The following GNB5 variants were observed in gnomAD, a reference collection of about 807,000 sequenced individuals.
GNB5 encodes G protein subunit beta 5.
In GNB5, 37 loss-of-function variants were observed where a neutral mutation model predicts 55.3. The observed-to-expected ratio is 0.67, with a 90% confidence interval of 0.51 to 0.88. The LOEUF is 0.88. GNB5 is among the 40% of genes least tolerant of loss of function. The pLI, the probability that GNB5 is intolerant of heterozygous loss-of-function variation, is 0.00. For missense variants in GNB5, 476 were observed against 515.3 expected, an observed-to-expected ratio of 0.92 and a Z score of 0.74; for synonymous variants, 219 against 198.5, an observed-to-expected ratio of 1.10 and a Z score of -0.87.
At position 52,168,779 on chromosome 15, in the gene GNB5, C is replaced by T. The variant is rs140191551; in HGVS notation, c.238+10989G>A. On this transcript the variant is annotated intron_variant, in intron 3 of 12. Transcript: ENST00000261837. ...ACTGGTACAAAAACAGACACACAGA[C>T]CAATGGAACCGAATGGAGAGCTCAG... is the stretch of plus-strand genomic sequence containing the variant. Among the ~76,000 whole-genome samples, 335 of 152,196 alleles carry T rather than the reference C, an allele frequency of 2.2e-3. 2 individuals carry two copies. Among genetic ancestry groups the T allele is most frequent in the Non-Finnish European group, 3.7e-3 (255 of 68,016 alleles).
chr15:52,125,850 G>A (rs2033409968), intron 11 of GNB5, 98 bp downstream of exon 11: 2 of 655,718 alleles, frequency 3.1e-6, no homozygotes, highest in Admixed American at 2.5e-5. Flanking sequence ...TCCACAGGAA[G>A]CTCAGTTGAT....
intron 1 of GNB5, among the ~76,000 whole-genome samples, chr15:52,190,319 G>A (rs2034902514): frequency 6.6e-6 from 1 of 151,776 alleles, no homozygotes; most frequent in South Asian, 2.1e-4. Flanking sequence ...GGGTTTCACC[G>A]TGTTAACCAG....
At chr15:52,171,479 T>C (rs2034553891) in intron 3 of GNB5, among the ~76,000 whole-genome samples, 1 of 152,244 alleles carries the variant, frequency 6.6e-6, no homozygotes, top group Non-Finnish European at 1.5e-5. Flanking sequence ...ATTTGTTTAT[T>C]GGGAAAGTAC....
At chr15:52,145,022 G>A (rs2033940345) in intron 6 of GNB5, among the ~76,000 whole-genome samples, 1 of 152,126 alleles carries the variant, frequency 6.6e-6, no homozygotes, top group Non-Finnish European at 1.5e-5. Context: ...TTGGCGAGTT[G>A]TTTTAGTGAA....
At chr15:52,180,064 C>T in intron 2 of GNB5, 185 bp from the exon 3 acceptor site, 1 of 669,854 alleles carries the variant, frequency 1.5e-6, no homozygotes, top group Non-Finnish European at 2.0e-6. Context: ...CCTGGGCGCG[C>T]GCTCTGGCGC....
intron 3 of GNB5, among the ~76,000 whole-genome samples, chr15:52,177,777 G>A (rs1012212985): frequency 2.0e-5 from 3 of 152,076 alleles, no homozygotes; most frequent in African/African-American, 7.2e-5. Context: ...GGCTTTATGC[G>A]GGGTAGAAGA....
rs550391411 is a variant in GNB5 at position 52,174,376 on chromosome 15, G to A, written c.238+5392C>T. Reference sequence around the variant, plus strand: ...ATTCTAAAATGCCTTGGAATCAAGCGAGGTAGTACTCGCCTGTGGTAGAAG... The same window carrying A: ...ATTCTAAAATGCCTTGGAATCAAGCAAGGTAGTACTCGCCTGTGGTAGAAG... On this transcript the variant is annotated intron_variant, in intron 3 of 12. Transcript: ENST00000261837. Among the ~76,000 whole-genome samples, 9 of 152,312 alleles carry A rather than the reference G, an allele frequency of 5.9e-5. No individual in the cohort carries two copies. The East Asian group carries it at 1.5e-3, about 26-fold the overall frequency.
intron 5 of GNB5, among the ~76,000 whole-genome samples, chr15:52,147,853 G>A (rs1012351651): frequency 1.3e-5 from 2 of 152,120 alleles, no homozygotes; most frequent in Non-Finnish European, 2.9e-5. Flanking sequence ...AAAGTGCTGG[G>A]ATTACGGGTG....
intron 3 of GNB5, among the ~76,000 whole-genome samples, chr15:52,167,910 T>C (rs926291945): frequency 8.5e-5 from 13 of 152,262 alleles, no homozygotes; most frequent in African/African-American, 3.1e-4. Flanking sequence ...ACCACATGAT[T>C]ACCTCGATAA....
chr15:52,182,043 G>A (rs928214837), intron 2 of GNB5, among the ~76,000 whole-genome samples: 1 of 152,224 alleles, frequency 6.6e-6, no homozygotes, highest in Admixed American at 6.5e-5. Context: ...AGATCTGACT[G>A]CCTGGGGGCA....
In GNB5 at chr15:52,115,305, T is replaced by C. The variant is rs1366853249; in HGVS notation, c.*7452A>G. ...AATAAATTAACCTCAACATAGAATT[T>C]CCAGTCCACACAATATGAGGCAGTT... is the stretch of plus-strand genomic sequence containing the variant. On this transcript the variant is annotated 3_prime_UTR_variant, in exon 13 of 13. Transcript: ENST00000261837. 6.6e-6 allele frequency: 1 copy of C among 152,204 alleles called. No individual in the cohort carries two copies. Among genetic ancestry groups the C allele is most frequent in the Non-Finnish European group, 1.5e-5 (1 of 68,032 alleles). The allele number at this position is 152,204 out of a possible 1,614,324, so 9.4% of individuals were successfully genotyped here. A position where few individuals can be genotyped will look rare whatever the true frequency, so the allele number is the denominator to read the frequency against.
chr15:52,170,391 A>G (rs1297503262), intron 3 of GNB5, among the ~76,000 whole-genome samples: 5 of 152,248 alleles, frequency 3.3e-5, no homozygotes, highest in African/African-American at 1.2e-4. Flanking sequence ...CATAAAAAGG[A>G]ATGAAATAAT....
intron 12 of GNB5, among the ~76,000 whole-genome samples, chr15:52,123,252 AAC>A (rs2033320406): frequency 6.6e-6 from 1 of 152,172 alleles, no homozygotes; most frequent in African/African-American, 2.4e-5. Context: ...CTCTTTAGAA[AAC>A]ACACCCATGT....
rs1356314376 is a variant in GNB5 at position 52,116,725 on chromosome 15, A to C, written c.*6032T>G. 6.6e-6 allele frequency: 1 copy of C among 152,160 alleles called. No individual in the cohort carries two copies. Among genetic ancestry groups the C allele is most frequent in the South Asian group, 2.1e-4 (1 of 4,818 alleles). The allele number at this position is 152,160 out of a possible 1,614,324, so 9.4% of individuals were successfully genotyped here. A position where few individuals can be genotyped will look rare whatever the true frequency, so the allele number is the denominator to read the frequency against. On this transcript the variant is annotated 3_prime_UTR_variant, in exon 13 of 13. Transcript: ENST00000261837. ...CAAAAATGATCACAAAAGATTCTGC[A>C]AAAATTACAACCTTGCACATAGGCT...
At chr15:52,127,993 G>T (rs2033470669) in intron 10 of GNB5, among the ~76,000 whole-genome samples, 1 of 152,042 alleles carries the variant, frequency 6.6e-6, no homozygotes, top group South Asian at 2.1e-4. Flanking sequence ...CATTTTGTTT[G>T]TTAAAAAGAA....
intron 7 of GNB5, chr15:52,137,902 A>T: frequency 7.8e-7 from 1 of 1,286,870 alleles, no homozygotes; most frequent in Non-Finnish European, 1.0e-6. Flanking sequence ...CTCTTGCAGC[A>T]TAAGTGTCCA....
At chr15:52,181,838 G>C (rs2141241971) in intron 2 of GNB5, among the ~76,000 whole-genome samples, 1 of 151,930 alleles carries the variant, frequency 6.6e-6, no homozygotes, top group Middle Eastern at 3.4e-3. Context: ...TTATTAAATG[G>C]ATGTATAAAA....
At chr15:52,178,137 C>T (rs1417154655) in intron 3 of GNB5, among the ~76,000 whole-genome samples, 3 of 152,160 alleles carry the variant, frequency 2.0e-5, no homozygotes, top group Admixed American at 1.3e-4. Flanking sequence ...AAGCTCAAAA[C>T]GGGTTTGGCG....
At position 52,149,027 on chromosome 15, in the gene GNB5, C is replaced by T. The variant is rs191925338; in HGVS notation, c.417+857G>A. Among the ~76,000 whole-genome samples the T allele has an allele frequency of 9.8e-5, 15 of 152,330 alleles. No individual in the cohort carries two copies. In the East Asian group the frequency reaches 1.2e-3, roughly 12 times the overall value. On this transcript the variant is annotated intron_variant, in intron 5 of 12. Transcript: ENST00000261837. ...AGATGAAGGCTTCCAAGGAGCTAGGCGCTGTATAGCAAAGCCCTGTGCAGA... is the reference window on the plus strand; with the variant it reads ...AGATGAAGGCTTCCAAGGAGCTAGGTGCTGTATAGCAAAGCCCTGTGCAGA...
Sources: allele counts gnomAD v4.1 joint callset (sites outside exome capture counted in the v4.1 genomes callset), GRCh38; gene constraint gnomAD v4.1.1; transcripts MANE v1.5; gene names NCBI Gene and HGNC (gene_info 2026-07-23, HGNC 2026-07-21).